RRM2B: variants seen among roughly 807,000 people sequenced by gnomAD.
RRM2B encodes ribonucleoside-diphosphate reductase subunit M2 B.
In RRM2B, 20 loss-of-function variants were observed where a neutral mutation model predicts 45.9. The observed-to-expected ratio is 0.44, with a 90% CI of 0.31 to 0.63. The LOEUF (loss-of-function observed/expected upper bound fraction) is 0.63, where lower values mean the gene tolerates loss of function less well. RRM2B is among the 30% of genes least tolerant of loss of function. The probability of loss-of-function intolerance (pLI) is 0.09; values close to 1 mark genes in which losing one functional copy is unlikely to be tolerated. For synonymous variants in RRM2B, 124 were observed against 132.3 expected (o/e 0.94, Z 0.43); for missense variants, 320 against 414.7 (o/e 0.77, Z 1.98).
At chr8:102,238,539 A>G (rs1238102651) in intron 1 of RRM2B, 10 of 1,487,972 alleles carry the variant, frequency 6.7e-6, no homozygotes, top group Non-Finnish European at 7.2e-6. Flanking sequence ...GAGGCGGATA[A>G]ACGCAGGGGT....
rs150228888 is a variant in RRM2B, at chr8:102,238,285, G to A, written c.48+542C>T. ...AAGATTCAGTTAGTTAAGGAGCCGG[G>A]CCTGAGCAAAACTGGCCTCCTACCC... On this transcript the variant is annotated intron_variant, in intron 1 of 8. Coordinates refer to ENST00000251810, the MANE Select transcript of RRM2B (RefSeq NM_015713.5). Among the ~76,000 whole-genome samples, 422 of 152,292 alleles carry A rather than the reference G, an allele frequency of 2.8e-3. 1 individual carries two copies. The highest frequency in any genetic ancestry group is 8.6e-3 in the African/African-American group (359 of 41,544).
At chr8:102,224,772 C>A in intron 4 of RRM2B, 113 bp downstream of exon 4, 1 of 1,097,804 alleles carries the variant, frequency 9.1e-7, no homozygotes. Context: ...ATATTATGCT[C>A]AGAAACTTCC....
At chr8:102,227,653 A>G (rs1448210243) in intron 2 of RRM2B, among the ~76,000 whole-genome samples, 1 of 152,158 alleles carries the variant, frequency 6.6e-6, no homozygotes, top group Non-Finnish European at 1.5e-5. Flanking sequence ...GGGCTATAAC[A>G]AATTACCATT....
chr8:102,218,284 G>T (rs1421272412), intron 6 of RRM2B, among the ~76,000 whole-genome samples: 1 of 152,182 alleles, frequency 6.6e-6, no homozygotes, highest in African/African-American at 2.4e-5. Flanking sequence ...GGAGGACACT[G>T]ATATTAAGAA....
chr8:102,217,155 C>T (rs1810743760), intron 6 of RRM2B, among the ~76,000 whole-genome samples: 1 of 152,036 alleles, frequency 6.6e-6, no homozygotes, highest in African/African-American at 2.4e-5. Flanking sequence ...AACAAAACTA[C>T]TATTTTCAAA....
In RRM2B at chr8:102,227,242, T is replaced by C. The variant is rs182047107; in HGVS notation, c.205-1208A>G. Among the ~76,000 whole-genome samples the C allele has an allele frequency of 2.2e-4, 33 of 152,270 alleles. No individual in the cohort carries two copies. In the East Asian group the frequency reaches 5.8e-3, roughly 27 times the overall value. On this transcript the variant is annotated intron_variant, in intron 2 of 8. Transcript: ENST00000251810. ...TGAAAATGTTCATTAGAATTAGTCT[T>C]TGGAATTAAGGGAGACGTACTTTAG...
chr8:102,223,695 C>CAA (rs764014539), intron 5 of RRM2B, among the ~76,000 whole-genome samples: 3,281 of 73,164 alleles, frequency 0.045, 81 homozygotes, highest in Admixed American at 0.088. Context: ...GACTCCGTCT[C>CAA]AAAAAAAAAA....
intron 8 of RRM2B, among the ~76,000 whole-genome samples, 192 bp downstream of exon 8, chr8:102,212,584 G>A (rs1810653833): frequency 6.6e-6 from 1 of 152,102 alleles, no homozygotes; most frequent in South Asian, 2.1e-4. Context: ...TATTTTACCA[G>A]CCTCCTACTT....
At position 102,232,141 on chromosome 8, in the gene RRM2B, C is replaced by T. The variant is rs1375862728; in HGVS notation, c.204+8G>A. 1.2e-6 allele frequency: 2 copies of T among 1,613,604 alleles called. No homozygotes were observed. On this transcript the variant is annotated splice_region_variant and intron_variant, in intron 2 of 8. Transcript: ENST00000251810. ...GATGTGAATGCTCTTGGAGGCAATG[C>T]CACGTACCTCTTCTGCTGTCCAGAA...
At chr8:102,236,511 A>G (rs1811123369) in intron 1 of RRM2B, among the ~76,000 whole-genome samples, 1 of 152,234 alleles carries the variant, frequency 6.6e-6, no homozygotes, top group Non-Finnish European at 1.5e-5. Flanking sequence ...TGAAAAAAGC[A>G]GCTTCAACAA....
intron 7 of RRM2B, among the ~76,000 whole-genome samples, chr8:102,213,788 G>C (rs1379228144): frequency 1.3e-5 from 2 of 151,750 alleles, no homozygotes; most frequent in Non-Finnish European, 2.9e-5. Context: ...CATAAAATTT[G>C]ACAGAGATCA....
chr8:102,223,964 T>A (rs1467131604), intron 5 of RRM2B, 82 bp downstream of exon 5: 1 of 962,152 alleles, frequency 1.0e-6, no homozygotes, highest in African/African-American at 1.6e-5. Context: ...TAACTTTGAT[T>A]CGTACTGGAT....
chr8:102,214,185 C>A, intron 6 of RRM2B, 27 bp from the exon 7 acceptor site: 2 of 1,496,070 alleles, frequency 1.3e-6, no homozygotes, highest in South Asian at 2.3e-5. Flanking sequence ...ATGTCATTGT[C>A]AAATAACTTT....
At chr8:102,229,545 G>C (rs1036722072) in intron 2 of RRM2B, among the ~76,000 whole-genome samples, 1 of 152,016 alleles carries the variant, frequency 6.6e-6, no homozygotes. Flanking sequence ...CTCAACTCAG[G>C]TTTAACTGAA....
chr8:102,217,217 A>AAAG (rs2132548068), intron 6 of RRM2B, among the ~76,000 whole-genome samples: 1 of 152,256 alleles, frequency 6.6e-6, no homozygotes, highest in East Asian at 1.9e-4. Flanking sequence ...AAGTGGAAAA[A>AAAG]GAACATCTCA....
At position 102,232,293 on chromosome 8, in the gene RRM2B, T is replaced by G. The variant is rs758522764; in HGVS notation, c.60A>C (p.Ser20=). The part of the protein sequence containing the change: ...AGLDQDERSS[S]DTNESEIKSN... ...ACTTTATTTCACTTTCGTTGGTGTC[T>G]GAAGATGATCTCTTTGAAAAATAAA... The change falls in exon 2 of 9, where the codon TCA becomes TCC. Residue 20 remains serine (S), a synonymous_variant. Coordinates refer to ENST00000251810, the MANE Select transcript of RRM2B (RefSeq NM_015713.5). 1 of 1,614,080 alleles carries G rather than the reference T, an allele frequency of 6.2e-7. No individual in the cohort carries two copies. Among genetic ancestry groups the G allele is most frequent in the Non-Finnish European group, 8.5e-7 (1 of 1,179,920 alleles).
rs760324367 is a variant in RRM2B at position 102,226,002 on chromosome 8, G to A, written c.237C>T (p.Asn79=). 16 of 1,611,992 alleles carry A rather than the reference G, an allele frequency of 9.9e-6. No homozygotes were observed. Among genetic ancestry groups the A allele is most frequent in the Non-Finnish European group, 1.4e-5 (16 of 1,178,288 alleles). Reference sequence around the variant, plus strand: ...AGTACTTCTCATCTGCTTTAAGCTTGTTCCAGTGAGGGAGATCCTTTGATA... The same window carrying A: ...AGTACTTCTCATCTGCTTTAAGCTTATTCCAGTGAGGGAGATCCTTTGATA... ...VDLSKDLPHW[N]KLKADEKYFI... The change falls in exon 3 of 9, where the codon AAC becomes AAT. Residue 79 remains asparagine, a synonymous_variant. Coordinates refer to ENST00000251810, the MANE Select transcript of RRM2B (RefSeq NM_015713.5).
intron 2 of RRM2B, among the ~76,000 whole-genome samples, chr8:102,231,021 T>C (rs1438620052): frequency 6.6e-6 from 1 of 152,234 alleles, no homozygotes; most frequent in Non-Finnish European, 1.5e-5. Context: ...ATAGAATTAA[T>C]GTCTTGAAAA....
At position 102,238,169 on chromosome 8, in the gene RRM2B, T is replaced by G. The variant is rs529427408; in HGVS notation, c.48+658A>C. 5.3e-5 allele frequency among the ~76,000 whole-genome samples: 8 copies of G among 152,374 alleles called. No homozygotes were observed. In the South Asian group the frequency reaches 1.7e-3, roughly 32 times the overall value. On this transcript the variant is annotated intron_variant, in intron 1 of 8. Transcript: ENST00000251810. ...GAACAACTTGGGCTTATTAAGCACC[T>G]ACAATTTTCGTGGCACTTTGCATAA...
Sources: gnomAD v4.1 joint callset for allele counts (sites outside exome capture counted in the v4.1 genomes callset) on GRCh38, gnomAD v4.1.1 for gene constraint, MANE v1.5 for transcripts, NCBI Gene and HGNC (gene_info 2026-07-23, HGNC 2026-07-21) for gene names.